Variants in FAM120A observed in about 807,000 individuals in gnomAD.
The protein encoded by FAM120A is constitutive coactivator of PPAR-gamma-like protein 1.
Under a neutral mutation model 109.7 loss-of-function variants are expected in FAM120A, and 15 were observed. That is an observed-to-expected ratio of 0.14 (90% CI 0.09 to 0.21). The LOEUF is 0.21. Ranked by LOEUF, FAM120A falls within the 10% of genes least tolerant of loss-of-function variation. The pLI is 1.00. For missense variants in FAM120A, 899 were observed against 1,439.3 expected (o/e 0.62, Z 6.07); for synonymous variants, 493 against 572.8 (o/e 0.86, Z 1.99).
chr9:93,540,260 C>T (rs1185381279), intron 10 of FAM120A, among the ~76,000 whole-genome samples: 1 of 152,222 alleles, frequency 6.6e-6, no homozygotes, highest in Non-Finnish European at 1.5e-5. Flanking sequence ...AAGGTTCCAC[C>T]TCTATTCTCT....
chr9:93,460,588 G>A lies in FAM120A; in HGVS notation c.474+8199G>A, dbSNP rs1857750901. Among the ~76,000 whole-genome samples the A allele has an allele frequency of 4.6e-5, 7 of 152,294 alleles. No homozygotes were observed. The South Asian group carries it at 1.4e-3, about 32-fold the overall frequency. ...CTGACCTCGTGATCCACCCGCCCTG[G>A]CCTCCCAAAGTGCTGGGATTACAGG... On this transcript the variant is annotated intron_variant, in intron 1 of 17. Transcript: ENST00000277165.
chr9:93,467,427 A>G (rs549035166), intron 1 of FAM120A, among the ~76,000 whole-genome samples: 1 of 152,214 alleles, frequency 6.6e-6, no homozygotes, highest in South Asian at 2.1e-4. Context: ...AAGTTGAAGG[A>G]ATGTAGAGAT....
chr9:93,546,326 C>T (rs576094697), intron 11 of FAM120A, among the ~76,000 whole-genome samples: 39 of 152,260 alleles, frequency 2.6e-4, no homozygotes, highest in African/African-American at 8.7e-4. Flanking sequence ...ATATACTTGA[C>T]CTAAGGTACA....
intron 11 of FAM120A, among the ~76,000 whole-genome samples, chr9:93,547,625 A>G (rs536630344): frequency 6.6e-6 from 1 of 152,346 alleles, no homozygotes; most frequent in East Asian, 1.9e-4. Flanking sequence ...ATAGCTGTCT[A>G]TATTAGCACA....
At chr9:93,529,000 G>A (rs992702911) in intron 8 of FAM120A, among the ~76,000 whole-genome samples, 3 of 152,176 alleles carry the variant, frequency 2.0e-5, no homozygotes, top group African/African-American at 4.8e-5. Context: ...CCACATGGAT[G>A]ATGGACAAGT....
chr9:93,467,248 C>CA (rs1035933256), intron 1 of FAM120A, among the ~76,000 whole-genome samples: 5 of 20,832 alleles, frequency 2.4e-4, no homozygotes, highest in Admixed American at 9.2e-4. Flanking sequence ...CTGCTGTCAC[C>CA]CCCCCCCCCC....
rs575684658 is a variant in FAM120A at position 93,511,286 on chromosome 9, C to T, written c.1031-4381C>T. Among the ~76,000 whole-genome samples, 57 of 152,330 alleles carry T rather than the reference C, an allele frequency of 3.7e-4. 1 individual carries two copies. The highest frequency in any genetic ancestry group is 3.4e-3 in the Middle Eastern group (1 of 294). The stretch of plus-strand genomic sequence containing the variant: ...TCACCAGGCCTCCTCTTCTGGGCGC[C>T]GGCCTCTGGCTCTTCCCTTGGGGTC... On this transcript the variant is annotated intron_variant, in intron 5 of 17. Coordinates refer to ENST00000277165, the MANE Select transcript of FAM120A (RefSeq NM_014612.5).
intron 3 of FAM120A, among the ~76,000 whole-genome samples, chr9:93,482,268 G>C (rs1380755881): frequency 6.8e-6 from 1 of 147,298 alleles, no homozygotes; most frequent in Non-Finnish European, 1.5e-5. Context: ...GCTCACTGCA[G>C]CCTCTGCCTC....
At position 93,550,299 on chromosome 9, in the gene FAM120A, G is replaced by A. The variant is rs112735065; in HGVS notation, c.2160-278G>A. Among the ~76,000 whole-genome samples the A allele has an allele frequency of 0.017, 2,652 of 152,248 alleles. 70 individuals are homozygous for A. Among genetic ancestry groups the A allele is most frequent in the African/African-American group, 0.06 (2,506 of 41,518 alleles). On this transcript the variant is annotated intron_variant, in intron 11 of 17. Coordinates refer to ENST00000277165, the MANE Select transcript of FAM120A (RefSeq NM_014612.5). ...TCCAGGGTTTAAATGTTTCACAAGA[G>A]TGAGGTTGTATCAAAAATCACTGAC...
chr9:93,451,743 T>C lies in FAM120A; in HGVS notation c.-173T>C. On this transcript the variant is annotated 5_prime_UTR_variant, in exon 1 of 18. Transcript: ENST00000277165. Reference sequence around the variant, plus strand: ...GCAGGTCCCTCCCCAGACATGGCCCTGGGAGGCGGCAGCACATGGCGGCCG... The same window carrying C: ...GCAGGTCCCTCCCCAGACATGGCCCCGGGAGGCGGCAGCACATGGCGGCCG... The C allele has an allele frequency of 1.3e-5, 13 of 973,424 alleles. No individual in the cohort carries two copies. Among genetic ancestry groups the C allele is most frequent in the Non-Finnish European group, 1.4e-5 (12 of 828,158 alleles). 60.3% of individuals were successfully genotyped at this position (973,424 alleles called of 1,614,324 possible). A position where few individuals can be genotyped will look rare whatever the true frequency, so the allele number is the denominator to read the frequency against.
chr9:93,498,725 A>C lies in FAM120A; in HGVS notation c.934-65A>C. 1 of 926,168 alleles carries C rather than the reference A, an allele frequency of 1.1e-6. No individual in the cohort carries two copies. Among genetic ancestry groups the C allele is most frequent in the Middle Eastern group, 2.1e-4 (1 of 4,726 alleles). 57.4% of individuals were successfully genotyped at this position (926,168 alleles called of 1,614,324 possible). A position where few individuals can be genotyped will look rare whatever the true frequency, so the allele number is the denominator to read the frequency against. On this transcript the variant is annotated intron_variant, in intron 4 of 17. Coordinates refer to ENST00000277165, the MANE Select transcript of FAM120A (RefSeq NM_014612.5). This position sits in a 1 kb window ranked among gnomAD's most constrained non-coding sequence, Gnocchi z 4.4. ...TATTATACATGTGCTGAATTATAAA[A>C]AACATTGTGATACACATGACCAGTG...
chr9:93,499,753 G>A (rs1186484140), intron 5 of FAM120A, among the ~76,000 whole-genome samples: 1 of 152,242 alleles, frequency 6.6e-6, no homozygotes, highest in Non-Finnish European at 1.5e-5. Context: ...TTTAAATTGT[G>A]TTGTTTGCTT....
rs1331500534 is a variant in FAM120A, at chr9:93,492,178, GTGTA to G, written c.805-5291_805-5288del. Among the ~76,000 whole-genome samples the G allele has an allele frequency of 4.6e-5, 7 of 151,402 alleles. No homozygotes were observed. The East Asian group carries it at 1.4e-3, about 30-fold the overall frequency. Reference sequence around the variant, plus strand: ...GTTTATACAGGTTGTGTGTGTGTGTGTGTATATATATATATATGTATATATAGAG... The same window carrying G: ...GTTTATACAGGTTGTGTGTGTGTGTGTATATATATATATGTATATATAGAG... On this transcript the variant is annotated intron_variant, in intron 3 of 17. Coordinates refer to ENST00000277165, the MANE Select transcript of FAM120A (RefSeq NM_014612.5).
At chr9:93,524,306 T>G (rs1330525465) in intron 7 of FAM120A, among the ~76,000 whole-genome samples, 1 of 152,228 alleles carries the variant, frequency 6.6e-6, no homozygotes, top group Admixed American at 6.5e-5. Context: ...TCTACACCCC[T>G]GACAGTCAGG....
At chr9:93,557,001 AG>A in intron 13 of FAM120A, among the ~76,000 whole-genome samples, 2 of 152,302 alleles carry the variant, frequency 1.3e-5, no homozygotes, top group South Asian at 4.1e-4. Flanking sequence ...TTGAACTCAC[AG>A]CCAGTAGCTT....
intron 3 of FAM120A, among the ~76,000 whole-genome samples, chr9:93,491,477 T>C (rs529915988): frequency 6.6e-6 from 1 of 152,280 alleles, no homozygotes; most frequent in South Asian, 2.1e-4. Context: ...TGGGGAAAGA[T>C]GACGCTAAAA....
chr9:93,476,063 G>A (rs1858535801), intron 2 of FAM120A, among the ~76,000 whole-genome samples, 193 bp from the exon 3 acceptor site: 1 of 152,198 alleles, frequency 6.6e-6, no homozygotes, highest in Admixed American at 6.5e-5. Context: ...GACTGCACTA[G>A]AAATTCCCGT....
At chr9:93,502,565 T>TACACAC (rs6151079) in intron 5 of FAM120A, among the ~76,000 whole-genome samples, 2,570 of 146,742 alleles carry the variant, frequency 0.018, 25 homozygotes, top group South Asian at 0.038. Context: ...GGAGGACACA[T>TACACAC]ACACACACAC....
At chr9:93,488,635 C>T (rs1859176302) in intron 3 of FAM120A, among the ~76,000 whole-genome samples, 1 of 152,118 alleles carries the variant, frequency 6.6e-6, no homozygotes, top group African/African-American at 2.4e-5. Flanking sequence ...TTCTGATTTA[C>T]AAATGTCTTC....
Sources: allele counts gnomAD v4.1 joint callset (sites outside exome capture counted in the v4.1 genomes callset), GRCh38; gene constraint gnomAD v4.1.1; non-coding constraint Gnocchi (gnomAD v3.1); transcripts MANE v1.5; gene names NCBI Gene and HGNC (gene_info 2026-07-23, HGNC 2026-07-21).